MCC: variants seen among roughly 807,000 people sequenced by gnomAD.
The protein encoded by MCC is MCC regulator of Wnt signaling pathway.
Under a neutral mutation model 116.2 loss-of-function variants are expected in MCC, and 90 were observed. That is an observed-to-expected ratio of 0.77 (90% CI 0.65 to 0.92). The LOEUF (loss-of-function observed/expected upper bound fraction) is 0.92, where lower values mean the gene tolerates loss of function less well. MCC is among the 40% of genes least tolerant of loss of function. The pLI is 0.00. For synonymous variants in MCC, 578 were observed against 510.5 expected (o/e 1.13, Z -1.78); for missense variants, 1,516 against 1,312.2 (o/e 1.16, Z -2.40).
chr5:113,107,859 AG>A (rs1376040486), intron 6 of MCC, among the ~76,000 whole-genome samples: 2 of 152,194 alleles, frequency 1.3e-5, no homozygotes, highest in African/African-American at 4.8e-5. Flanking sequence ...GCTGGGTTAC[AG>A]GGAGCAGGAA....
intron 1 of MCC, among the ~76,000 whole-genome samples, chr5:113,411,319 T>C (rs1162772519): frequency 7.9e-5 from 12 of 152,224 alleles, no homozygotes; most frequent in Non-Finnish European, 1.5e-5. Context: ...TGAGATGGTA[T>C]CTCACTGTGG....
chr5:113,037,878 A>T (rs142888130), intron 17 of MCC, among the ~76,000 whole-genome samples: 36 of 152,308 alleles, frequency 2.4e-4, no homozygotes, highest in African/African-American at 5.5e-4. Context: ...AAGCATGGGG[A>T]AACATTTGAA....
rs746683212 is a variant in MCC, at chr5:113,088,263, G to C, written c.1399-2953C>G. ...CCCCCTTCTTTTGATTTGAGAGTGA[G>C]AATCTTAATTTACAGGAATAAATGC... On this transcript the variant is annotated intron_variant, in intron 8 of 18. Transcript: ENST00000408903. Among the ~76,000 whole-genome samples, 140 of 152,014 alleles carry C rather than the reference G, an allele frequency of 9.2e-4. 1 individual carries two copies. The highest frequency in any genetic ancestry group is 2.9e-4 in the Non-Finnish European group (20 of 68,010).
intron 3 of MCC, chr5:113,294,716 C>T (rs893699971): frequency 2.0e-6 from 2 of 1,010,034 alleles, no homozygotes; most frequent in African/African-American, 1.7e-5. Flanking sequence ...GGCGCCGCCT[C>T]GCCACTCCTA....
chr5:113,395,668 G>A (rs1013702607), intron 1 of MCC, among the ~76,000 whole-genome samples: 1 of 152,088 alleles, frequency 6.6e-6, no homozygotes, highest in Non-Finnish European at 1.5e-5. Flanking sequence ...ATCCATGCAC[G>A]CTTAACCTTG....
At chr5:113,362,586 T>G (rs1768576691) in intron 2 of MCC, among the ~76,000 whole-genome samples, 1 of 152,172 alleles carries the variant, frequency 6.6e-6, no homozygotes, top group South Asian at 2.1e-4. Flanking sequence ...ATATCTCTCA[T>G]AATGATTGTG....
rs544756921 is a variant in MCC, at chr5:113,026,953, C to T, written c.*349G>A. Reference sequence around the variant, plus strand: ...AAAGAGGATACAATGGAAAATCTTACAGAAACAAATGTCTGGGATCCCACT... The same window carrying T: ...AAAGAGGATACAATGGAAAATCTTATAGAAACAAATGTCTGGGATCCCACT... On this transcript the variant is annotated 3_prime_UTR_variant, in exon 19 of 19. Coordinates refer to ENST00000408903, the MANE Select transcript of MCC (RefSeq NM_001085377.2). 2 of 231,002 alleles carry T rather than the reference C, an allele frequency of 8.7e-6. No homozygotes were observed. Among genetic ancestry groups the T allele is most frequent in the Admixed American group, 5.4e-5 (1 of 18,438 alleles). 14.3% of individuals were successfully genotyped at this position (231,002 alleles called of 1,614,324 possible).
Position 113,124,888 on chromosome 5 carries a change from G to A in MCC, c.885-2062C>T, listed in dbSNP as rs537922753. Among the ~76,000 whole-genome samples the A allele has an allele frequency of 2.6e-5, 4 of 152,376 alleles. No individual in the cohort carries two copies. In the South Asian group the frequency reaches 8.3e-4, roughly 32 times the overall value. On this transcript the variant is annotated intron_variant, in intron 5 of 18. Transcript: ENST00000408903. ...AAGAAGGATGCTGTGGGTGAACACT[G>A]GTGGAATATCTGGGGCTGCCAGTGG...
At chr5:113,319,675 G>C (rs763551315) in intron 3 of MCC, among the ~76,000 whole-genome samples, 1 of 152,154 alleles carries the variant, frequency 6.6e-6, no homozygotes, top group Non-Finnish European at 1.5e-5. Flanking sequence ...ACAAATATGA[G>C]ATCAAACTCA....
chr5:113,355,781 T>G (rs1768396494), intron 2 of MCC, among the ~76,000 whole-genome samples: 1 of 152,054 alleles, frequency 6.6e-6, no homozygotes, highest in Non-Finnish European at 1.5e-5. Flanking sequence ...CTAACTTTAA[T>G]TACCTTCCAA....
At chr5:113,391,506 G>T (rs1376688512) in intron 1 of MCC, among the ~76,000 whole-genome samples, 1 of 152,124 alleles carries the variant, frequency 6.6e-6, no homozygotes, top group East Asian at 1.9e-4. Context: ...CTTGAAGCCA[G>T]GAGTTCGAAA....
intron 1 of MCC, among the ~76,000 whole-genome samples, chr5:113,450,837 T>G (rs764379463): frequency 6.6e-6 from 1 of 152,174 alleles, no homozygotes; most frequent in Non-Finnish European, 1.5e-5. Context: ...GAAATGCTAT[T>G]ACAAAGCATT....
chr5:113,284,811 C>T (rs1457385084), intron 3 of MCC, among the ~76,000 whole-genome samples: 2 of 152,160 alleles, frequency 1.3e-5, no homozygotes, highest in East Asian at 3.8e-4. Context: ...ATTCCAGTCT[C>T]CTTGCAGTTA....
chr5:113,441,718 G>T (rs903539430), intron 1 of MCC, among the ~76,000 whole-genome samples: 2 of 152,090 alleles, frequency 1.3e-5, no homozygotes, highest in Non-Finnish European at 2.9e-5. Context: ...TGTTCTCATT[G>T]TTCAACTCCC....
intron 2 of MCC, among the ~76,000 whole-genome samples, chr5:113,364,341 A>C (rs1331090640): frequency 1.3e-5 from 2 of 151,086 alleles, no homozygotes; most frequent in African/African-American, 4.9e-5. Context: ...TTAAAGCTCC[A>C]AAATAATCTC....
At chr5:113,353,848 A>G (rs952188657) in intron 2 of MCC, among the ~76,000 whole-genome samples, 9 of 152,262 alleles carry the variant, frequency 5.9e-5, no homozygotes, top group African/African-American at 1.9e-4. Flanking sequence ...TACAATAGCT[A>G]GAGTGGACAA....
chr5:113,460,756 A>G (rs1053226935), intron 1 of MCC, among the ~76,000 whole-genome samples: 1 of 152,186 alleles, frequency 6.6e-6, no homozygotes, highest in Non-Finnish European at 1.5e-5. Flanking sequence ...GTTGCCTTAT[A>G]TTTGGCTGCT....
intron 10 of MCC, 68 bp from the exon 11 acceptor site, chr5:113,083,076 A>C: frequency 6.8e-7 from 1 of 1,463,174 alleles, no homozygotes; most frequent in African/African-American, 1.4e-5. Flanking sequence ...TGCATGCAAA[A>C]GAATTTAAAG....
At chr5:113,059,525 G>C (rs1373337587) in intron 14 of MCC, among the ~76,000 whole-genome samples, 30 of 152,222 alleles carry the variant, frequency 2.0e-4, no homozygotes, top group Admixed American at 2.0e-3. Flanking sequence ...CAGTTGTCAA[G>C]GGGGAATCAA....
Sources: gnomAD v4.1 joint callset for allele counts (sites outside exome capture counted in the v4.1 genomes callset) on GRCh38, gnomAD v4.1.1 for gene constraint, MANE v1.5 for transcripts, NCBI Gene and HGNC (gene_info 2026-07-23, HGNC 2026-07-21) for gene names.